The following HMGA1 variants were observed in gnomAD, a reference collection of about 807,000 sequenced individuals.
HMGA1 encodes the protein high mobility group AT-hook 1.
HMGA1 carries 1 observed loss-of-function variant against 15.1 expected under a neutral mutation model. That is an observed-to-expected ratio of 0.07 (90% CI 0.02 to 0.31). The LOEUF is 0.31. Among genes scored for constraint, HMGA1 ranks in the 10% least tolerant of loss-of-function variants. The pLI, the probability that HMGA1 is intolerant of heterozygous loss-of-function variation, is 1.00. For missense variants in HMGA1, 94 were observed against 141.4 expected (o/e 0.66, Z 1.70); for synonymous variants, 56 against 54.8 (o/e 1.02, Z -0.10).
chr6:34,246,167 CCTGGGGCTCCCTCT>C lies in HMGA1; in HGVS notation c.*1288_*1301del, dbSNP rs1379717805. The stretch of plus-strand genomic sequence containing the variant: ...GAGGGGTAGCCATGATTTGTCCCAG[CCTGGGGCTCCCTCT>C]CTGGTTTCCTATTTGCAGTTACTTG... On this transcript the variant is annotated 3_prime_UTR_variant, in exon 6 of 6. Transcript: ENST00000311487. 4.0e-6 allele frequency: 1 copy of C among 250,040 alleles called. No individual in the cohort carries two copies. Among genetic ancestry groups the C allele is most frequent in the Admixed American group, 5.0e-5 (1 of 19,918 alleles). The allele number at this position is 250,040 out of a possible 1,614,324, so 15.5% of individuals were successfully genotyped here.
At chr6:34,238,070 C>T (rs1427812040) in intron 2 of HMGA1, among the ~76,000 whole-genome samples, 1 of 152,108 alleles carries the variant, frequency 6.6e-6, no homozygotes, top group Non-Finnish European at 1.5e-5. Context: ...CTTTATTTTG[C>T]GGGGAGGGGA....
intron 3 of HMGA1, 93 bp downstream of exon 3, chr6:34,241,008 GGT>G (rs1762261104): frequency 3.5e-6 from 5 of 1,429,200 alleles, no homozygotes; most frequent in Non-Finnish European, 3.9e-6. Context: ...ATGCATGGAG[GGT>G]GCAGAATGAT....
At chr6:34,242,370 C>T (rs1254472307) in intron 3 of HMGA1, among the ~76,000 whole-genome samples, 2 of 152,198 alleles carry the variant, frequency 1.3e-5, no homozygotes, top group African/African-American at 2.4e-5. Context: ...GAAACTGAGG[C>T]TCCAGCATTA....
intron 5 of HMGA1, 125 bp from the exon 6 acceptor site, chr6:34,244,706 C>A: frequency 1.3e-6 from 1 of 782,318 alleles, no homozygotes; most frequent in Non-Finnish European, 2.2e-6. Flanking sequence ...GTCACCCACA[C>A]ACTCAGCCCT....
At chr6:34,237,980 A>T (rs1761949584) in intron 2 of HMGA1, among the ~76,000 whole-genome samples, 1 of 151,818 alleles carries the variant, frequency 6.6e-6, no homozygotes. Context: ...CCGCCCCCAC[A>T]AACTGGTTTC....
intron 1 of HMGA1, 91 bp downstream of exon 1, chr6:34,237,054 C>T (rs1178102207): frequency 6.6e-6 from 1 of 151,964 alleles, no homozygotes; most frequent in Non-Finnish European, 1.5e-5. Context: ...CGGGCCGTGC[C>T]CAGCTTCCTG....
chr6:34,245,171 C>A lies in HMGA1; in HGVS notation c.*287C>A, dbSNP rs1264798809. 2 of 1,447,540 alleles carry A rather than the reference C, an allele frequency of 1.4e-6. No individual in the cohort carries two copies. Among genetic ancestry groups the A allele is most frequent in the Admixed American group, 2.1e-5 (1 of 47,946 alleles). The allele number at this position is 1,447,540 out of a possible 1,614,324, so 89.7% of individuals were successfully genotyped here. On this transcript the variant is annotated 3_prime_UTR_variant, in exon 6 of 6. Coordinates refer to ENST00000311487, the MANE Select transcript of HMGA1 (RefSeq NM_145899.3). The stretch of plus-strand genomic sequence containing the variant: ...ATGCCCTCCTGGACAAGGCTAACAT[C>A]CCACTTAGCCGCACCCTGCACCTGC...
At chr6:34,244,335 C>G (rs978984574) in intron 5 of HMGA1, among the ~76,000 whole-genome samples, 9 of 152,238 alleles carry the variant, frequency 5.9e-5, no homozygotes, top group Admixed American at 3.9e-4. Context: ...CCCTTCCTCC[C>G]CACCCCGGCC....
chr6:34,244,116 C>T (rs146250822), intron 5 of HMGA1, among the ~76,000 whole-genome samples: 1 of 151,760 alleles, frequency 6.6e-6, no homozygotes, highest in Non-Finnish European at 1.5e-5. Flanking sequence ...CTCCTACCCC[C>T]AGCCTGCCCC....
In HMGA1 at chr6:34,245,724, C is replaced by T; in HGVS notation, c.*840C>T. The T allele has an allele frequency of 1.4e-6, 1 of 695,148 alleles. No homozygotes were observed. Among genetic ancestry groups the T allele is most frequent in the South Asian group, 1.8e-5 (1 of 54,282 alleles). 43.1% of individuals were successfully genotyped at this position (695,148 alleles called of 1,614,324 possible). A position where few individuals can be genotyped will look rare whatever the true frequency, so the allele number is the denominator to read the frequency against. On this transcript the variant is annotated 3_prime_UTR_variant, in exon 6 of 6. Coordinates refer to ENST00000311487, the MANE Select transcript of HMGA1 (RefSeq NM_145899.3). ...CCCTACTTTGCTTCCGCCACTCAGC[C>T]ATTTCCCCCTCCTCAGATGGGGCAC... is the stretch of plus-strand genomic sequence containing the variant.
At chr6:34,237,950 C>T (rs1291978578) in intron 2 of HMGA1, among the ~76,000 whole-genome samples, 2 of 152,150 alleles carry the variant, frequency 1.3e-5, no homozygotes, top group African/African-American at 2.4e-5. Context: ...CTCTTCAGCC[C>T]CAGGGGCCGG....
chr6:34,244,337 A>C (rs1436103106), intron 5 of HMGA1, among the ~76,000 whole-genome samples: 1 of 148,886 alleles, frequency 6.7e-6, no homozygotes, highest in African/African-American at 2.5e-5. Context: ...CTTCCTCCCC[A>C]CCCCGGCCTA....
chr6:34,237,811 G>A (rs1202358311), intron 2 of HMGA1, among the ~76,000 whole-genome samples: 1 of 151,718 alleles, frequency 6.6e-6, no homozygotes, highest in South Asian at 2.1e-4. Context: ...TGAGGGAGAT[G>A]GGGAGGAACC....
Position 34,245,370 on chromosome 6 carries a change from G to C in HMGA1, c.*486G>C. 7.4e-7 allele frequency: 1 copy of C among 1,356,732 alleles called. No homozygotes were observed. Among genetic ancestry groups the C allele is most frequent in the South Asian group, 1.3e-5 (1 of 79,636 alleles). 84.0% of individuals were successfully genotyped at this position (1,356,732 alleles called of 1,614,324 possible). On this transcript the variant is annotated 3_prime_UTR_variant, in exon 6 of 6. Transcript: ENST00000311487. ...TCATCCTGGCACGCCCTACTCCACT[G>C]CCCTGGCAGCAGCAGGTGTGGCCAA...
intron 2 of HMGA1, 164 bp from the exon 3 acceptor site, chr6:34,240,573 C>T (rs781715296): frequency 3.0e-5 from 18 of 607,992 alleles, no homozygotes; most frequent in Non-Finnish European, 5.3e-5. Flanking sequence ...CCGCCCTTGG[C>T]AGCATCTGGG....
chr6:34,244,313 G>C (rs566629068), intron 5 of HMGA1, among the ~76,000 whole-genome samples: 2 of 152,060 alleles, frequency 1.3e-5, no homozygotes, highest in African/African-American at 4.8e-5. Context: ...GAGCCCCGGC[G>C]GCACACACTT....
At chr6:34,238,397 T>G (rs1378261696) in intron 2 of HMGA1, among the ~76,000 whole-genome samples, 1 of 152,030 alleles carries the variant, frequency 6.6e-6, no homozygotes, top group Non-Finnish European at 1.5e-5. Context: ...AGGCAAAGTG[T>G]CGGGTTGAAA....
intron 2 of HMGA1, among the ~76,000 whole-genome samples, chr6:34,239,764 C>T (rs987743578): frequency 6.6e-6 from 1 of 152,066 alleles, no homozygotes; most frequent in Non-Finnish European, 1.5e-5. Flanking sequence ...GGTTGCAGGC[C>T]CTCCTTCCAA....
chr6:34,244,817 T>C lies in HMGA1; in HGVS notation c.271-14T>C, dbSNP rs1339481664. ...CCGGGCCAGAGCTCACACCAACAAC[T>C]GCCCACCTCACAGGAGAAGGAGGAA... On this transcript the variant is annotated splice_polypyrimidine_tract_variant and intron_variant, in intron 5 of 5. Coordinates refer to ENST00000311487, the MANE Select transcript of HMGA1 (RefSeq NM_145899.3). 1 of 1,567,654 alleles carries C rather than the reference T, an allele frequency of 6.4e-7. No homozygotes were observed. Among genetic ancestry groups the C allele is most frequent in the African/African-American group, 1.3e-5 (1 of 74,098 alleles).
Sources: gnomAD v4.1 joint callset for allele counts (sites outside exome capture counted in the v4.1 genomes callset) on GRCh38, gnomAD v4.1.1 for gene constraint, MANE v1.5 for transcripts, NCBI Gene and HGNC (gene_info 2026-07-23, HGNC 2026-07-21) for gene names.